The following ADGRB3 variants were observed in gnomAD, a reference collection of about 807,000 sequenced individuals.
ADGRB3 encodes the protein adhesion G protein-coupled receptor B3.
A neutral mutation model predicts 193.4 loss-of-function variants in ADGRB3; 37 were observed. That is an observed-to-expected ratio of 0.19 (90% CI 0.15 to 0.25). ADGRB3 has a LOEUF of 0.25. ADGRB3 is among the 10% of genes least tolerant of loss of function. The pLI is 1.00. For synonymous variants in ADGRB3, 690 were observed against 644.2 expected (o/e 1.07, Z -1.08); for missense variants, 1,637 against 1,852.9 (o/e 0.88, Z 2.14).
chr6:69,101,433 C>CGTGTGTGTGTGTGT (rs59471051), intron 17 of ADGRB3, among the ~76,000 whole-genome samples: 27,371 of 145,112 alleles, frequency 0.19, 2,994 homozygotes, highest in Non-Finnish European at 0.24. Flanking sequence ...CAGTAAGTAT[C>CGTGTGTGTGTGTGT]GTGTGTGTGT....
chr6:68,639,511 AG>A (rs1273741047), intron 3 of ADGRB3, 79 bp downstream of exon 3: 3 of 1,403,726 alleles, frequency 2.1e-6, no homozygotes, highest in Non-Finnish European at 2.8e-6. Context: ...TTCAACACAC[AG>A]GCCTAATTAT....
rs62418271 is a variant in ADGRB3 at position 68,949,511 on chromosome 6, C to T, written c.1195+5517C>T. ...GCTATGAACCTAAAATTTTGGTCTA[C>T]AGCATCTATGGGAGGATGCCCTGCC... On this transcript the variant is annotated intron_variant, in intron 6 of 31. Transcript: ENST00000370598. Among the ~76,000 whole-genome samples the T allele has an allele frequency of 3.2e-3, 488 of 152,278 alleles. 1 individual carries two copies. The highest frequency in any genetic ancestry group is 5.9e-3 in the Non-Finnish European group (399 of 68,006).
At chr6:69,383,660 T>C (rs1322727264) in intron 31 of ADGRB3, among the ~76,000 whole-genome samples, 1 of 152,042 alleles carries the variant, frequency 6.6e-6, no homozygotes, top group Non-Finnish European at 1.5e-5. Flanking sequence ...CTCAGGTTTC[T>C]AAACTCCAAT....
intron 20 of ADGRB3, among the ~76,000 whole-genome samples, chr6:69,278,865 C>T (rs1582600004): frequency 6.6e-6 from 1 of 151,450 alleles, no homozygotes; most frequent in East Asian, 1.9e-4. Flanking sequence ...ATAACCAATA[C>T]CTGGCATAGA....
At chr6:69,116,953 C>A (rs1465466291) in intron 17 of ADGRB3, among the ~76,000 whole-genome samples, 1 of 152,168 alleles carries the variant, frequency 6.6e-6, no homozygotes, top group South Asian at 2.1e-4. Context: ...TTCCTAGATA[C>A]CCCTTTCTTC....
intron 17 of ADGRB3, among the ~76,000 whole-genome samples, chr6:69,140,146 GA>G (rs1343517838): frequency 6.6e-6 from 1 of 152,090 alleles, no homozygotes; most frequent in Non-Finnish European, 1.5e-5. Context: ...AAAATTCTAA[GA>G]TTAATAGCAA....
chr6:69,264,767 A>C (rs151139463), intron 20 of ADGRB3, among the ~76,000 whole-genome samples: 3 of 151,898 alleles, frequency 2.0e-5, no homozygotes, highest in Admixed American at 2.0e-4. Flanking sequence ...TTACAAAAAC[A>C]TATTTACACA....
intron 8 of ADGRB3, among the ~76,000 whole-genome samples, chr6:68,967,723 A>C (rs1165412974): frequency 8.5e-5 from 13 of 152,144 alleles, no homozygotes. Context: ...AGAAAAATAA[A>C]TCAGCTAAAA....
intron 6 of ADGRB3, among the ~76,000 whole-genome samples, chr6:68,949,360 G>T (rs1331968839): frequency 6.6e-6 from 1 of 152,028 alleles, no homozygotes; most frequent in East Asian, 1.9e-4. Flanking sequence ...CTGCCATGTT[G>T]CAGATTCCAG....
At position 69,361,084 on chromosome 6, in the gene ADGRB3, A is replaced by G; in HGVS notation, c.3811A>G (p.Lys1271Glu). The G allele has an allele frequency of 6.2e-7, 1 of 1,612,846 alleles. No homozygotes were observed. The highest frequency in any genetic ancestry group is 8.5e-7 in the Non-Finnish European group (1 of 1,179,228). ...SMNELSNPCL[K>E]KENSELRRTV... ...GAATGAGCTTAGCAATCCATGTTTG[A>G]AAAAAGAAAATAGTGAATTGCGGAG... The change falls in exon 29 of 32, where the codon AAA (lysine) becomes GAA (glutamate). Residue 1271 changes from lysine (K) to glutamate (E), a missense_variant. This residue lies in a region of ADGRB3 where 368 missense variants were observed against 367.4 expected (regional missense o/e 1.00). Coordinates refer to ENST00000370598, the MANE Select transcript of ADGRB3 (RefSeq NM_001704.3).
rs1271824743 is a variant in ADGRB3, at chr6:69,100,085, A to G, written c.2480+24047A>G. Among the ~76,000 whole-genome samples the G allele has an allele frequency of 2.6e-5, 4 of 152,224 alleles. No homozygotes were observed. In the East Asian group the frequency reaches 5.8e-4, roughly 22 times the overall value. Reference sequence around the variant, plus strand: ...AACAAATTAACTCATAGTATTTCCTATGAAAAACAACTCCCACTGGTCTCT... The same window carrying G: ...AACAAATTAACTCATAGTATTTCCTGTGAAAAACAACTCCCACTGGTCTCT... On this transcript the variant is annotated intron_variant, in intron 17 of 31. Transcript: ENST00000370598.
At chr6:69,242,266 A>G (rs1057306327) in intron 20 of ADGRB3, among the ~76,000 whole-genome samples, 4 of 151,154 alleles carry the variant, frequency 2.6e-5, no homozygotes, top group East Asian at 1.9e-4. Flanking sequence ...TTCAATAACT[A>G]AAGTATTTTA....
chr6:68,864,479 C>T (rs1004098517), intron 3 of ADGRB3, among the ~76,000 whole-genome samples: 5 of 151,644 alleles, frequency 3.3e-5, no homozygotes, highest in Admixed American at 6.6e-5. Context: ...TTTTCTGCTC[C>T]TCTCTAAAAC....
chr6:69,301,780 CA>C (rs200887393), intron 20 of ADGRB3, among the ~76,000 whole-genome samples: 1 of 151,596 alleles, frequency 6.6e-6, no homozygotes, highest in African/African-American at 2.4e-5. Flanking sequence ...CAATAGGCAC[CA>C]AAAAAATCAG....
At chr6:68,988,735 A>G (rs936958859) in intron 10 of ADGRB3, among the ~76,000 whole-genome samples, 2 of 152,104 alleles carry the variant, frequency 1.3e-5, no homozygotes, top group African/African-American at 4.8e-5. Context: ...TGAGGATGCT[A>G]ACGACACCTC....
chr6:68,840,189 A>G (rs1222076961), intron 3 of ADGRB3, among the ~76,000 whole-genome samples: 1 of 152,000 alleles, frequency 6.6e-6, no homozygotes, highest in Non-Finnish European at 1.5e-5. Context: ...GAGCAAGTGT[A>G]TTTGGGGGAC....
chr6:69,343,125 G>A (rs145320178), intron 26 of ADGRB3, among the ~76,000 whole-genome samples: 4 of 147,220 alleles, frequency 2.7e-5, no homozygotes, highest in Non-Finnish European at 6.0e-5. Flanking sequence ...GTTGTGTATG[G>A]AGCCTAATTT....
At chr6:68,636,714 T>C (rs1050807333) in intron 1 of ADGRB3, among the ~76,000 whole-genome samples, 2 of 152,196 alleles carry the variant, frequency 1.3e-5, no homozygotes, top group African/African-American at 4.8e-5. Flanking sequence ...AGCTATTTCC[T>C]CACTCTCTGA....
At chr6:69,117,058 A>G (rs537083092) in intron 17 of ADGRB3, among the ~76,000 whole-genome samples, 2 of 152,356 alleles carry the variant, frequency 1.3e-5, no homozygotes, top group East Asian at 1.9e-4. Flanking sequence ...AGTAATATAT[A>G]TAACTTGAAT....
Sources: gnomAD v4.1 joint callset for allele counts (sites outside exome capture counted in the v4.1 genomes callset) on GRCh38, gnomAD v4.1.1 for gene constraint, gnomAD v4.1.1 regional missense constraint, MANE v1.5 for transcripts, NCBI Gene and HGNC (gene_info 2026-07-23, HGNC 2026-07-21) for gene names.